Variants in TAF1 observed in about 807,000 individuals in gnomAD.
The protein encoded by TAF1 is TATA-box binding protein associated factor 1.
A neutral mutation model predicts 138.5 loss-of-function variants in TAF1; 2 were observed. The observed-to-expected ratio is 0.01, with a 90% CI of 0.01 to 0.05. TAF1 has a LOEUF of 0.05. Among genes scored for constraint, TAF1 ranks in the 10% least tolerant of loss-of-function variants. TAF1 has a pLI of 1.00. For synonymous variants in TAF1, 437 were observed against 503.2 expected (o/e 0.87, Z 1.76); for missense variants, 709 against 1,478.0 (o/e 0.48, Z 8.53).
In TAF1 at chrX:71,483,746, C is replaced by G. The variant is rs2039116576; in HGVS notation, c.1366+22943C>G. Reference sequence around the variant, plus strand: ...CACATAATATATTGTGAACATCTCTCTCTCTCTCTCTCTCTCTCTCTCTCT... The same window carrying G: ...CACATAATATATTGTGAACATCTCTGTCTCTCTCTCTCTCTCTCTCTCTCT... On this transcript the variant is annotated intron_variant and NMD_transcript_variant, in intron 13 of 14. Coordinates refer to the TAF1 transcript ENST00000373775. Among the ~76,000 whole-genome samples, 3 of 56,000 alleles carry G rather than the reference C, an allele frequency of 5.4e-5. No homozygotes were observed. The South Asian group carries it at 3.5e-3, about 66-fold the overall frequency. The allele number at this position is 56,000 out of a possible 115,157, so 48.6% of individuals were successfully genotyped here.
chrX:71,489,268 A>T (rs2147530758), intron 13 of TAF1, among the ~76,000 whole-genome samples: 1 of 110,846 alleles, frequency 9.0e-6, no homozygotes, highest in South Asian at 3.8e-4. Context: ...TCTTTGTGAT[A>T]CTGGGGTTTA....
At chrX:71,494,218 A>G (rs972258868) in intron 13 of TAF1, among the ~76,000 whole-genome samples, 1 of 110,622 alleles carries the variant, frequency 9.0e-6, no homozygotes, top group African/African-American at 3.3e-5. Flanking sequence ...AGGTTAGGAG[A>G]TCGAGACCAG....
At chrX:71,420,758 T>TG (rs1056916890) in intron 28 of TAF1, among the ~76,000 whole-genome samples, 4 of 111,931 alleles carry the variant, frequency 3.6e-5, no homozygotes, top group Non-Finnish European at 7.5e-5. Flanking sequence ...CCCGTGGGGG[T>TG]GGGGGGCGCA....
Position 71,408,081 on chromosome X carries a change from C to T in TAF1, c.4314C>T (p.Arg1438=). Residue 1438 remains arginine, a synonymous_variant, in exon 28 of 38, where the codon CGC becomes CGT. Coordinates refer to ENST00000423759, the MANE Select transcript of TAF1 (RefSeq NM_004606.5). ...CACTCCGCGAAAACGTGCGTAAACGCCTCTACCCATCTCGGGAAGAGTTCA... is the reference window on the plus strand; with the variant it reads ...CACTCCGCGAAAACGTGCGTAAACGTCTCTACCCATCTCGGGAAGAGTTCA... The part of the protein sequence containing the change: ...LQTLRENVRK[R]LYPSREEFRE... 1 of 1,211,767 alleles carries T rather than the reference C, an allele frequency of 8.3e-7. No individual in the cohort carries two copies. The highest frequency in any genetic ancestry group is 1.1e-6 in the Non-Finnish European group (1 of 895,589).
chrX:71,446,059 C>T (rs2037682765), intron 32 of TAF1, among the ~76,000 whole-genome samples: 1 of 109,367 alleles, frequency 9.1e-6, no homozygotes, highest in African/African-American at 3.3e-5. Flanking sequence ...TACAGGTGTG[C>T]GTCACCATGC....
At chrX:71,366,573 G>C in intron 1 of TAF1, 79 bp downstream of exon 1, 1 of 997,911 alleles carries the variant, frequency 1.0e-6, no homozygotes, top group Non-Finnish European at 1.3e-6. Context: ...AAAGGAGAGG[G>C]TGCTCAGGCA....
At position 71,377,001 on chromosome X, in the gene TAF1, C is replaced by G; in HGVS notation, c.524C>G (p.Ser175Cys). ...IILPSIIAPSSLASEKVDFSS... is the reference protein window; with the variant it reads ...IILPSIIAPSCLASEKVDFSS... ...TTGCCCTCCATCATTGCCCCTTCCT[C>G]TTTGGCCTCAGAGAAAGTGGACTTC... Residue 175 changes from serine (S) to cysteine (C), a missense_variant, in exon 5 of 38, where the codon TCT becomes TGT. Transcript: ENST00000423759. The G allele has an allele frequency of 1.7e-6, 2 of 1,211,888 alleles. No individual in the cohort carries two copies. Among genetic ancestry groups the G allele is most frequent in the Non-Finnish European group, 2.2e-6 (2 of 895,588 alleles).
chrX:71,502,537 C>A (rs1278806220), intron 13 of TAF1, among the ~76,000 whole-genome samples: 1 of 112,867 alleles, frequency 8.9e-6, no homozygotes, highest in Non-Finnish European at 1.9e-5. Context: ...CTAGTTGTAC[C>A]ACCGCTTATT....
intron 14 of TAF1, among the ~76,000 whole-genome samples, chrX:71,528,988 G>A (rs764312721): frequency 1.8e-5 from 2 of 111,977 alleles, no homozygotes; most frequent in African/African-American, 3.2e-5. Context: ...TAGACACAGA[G>A]CGCTAATTGG....
intron 8 of TAF1, among the ~76,000 whole-genome samples, chrX:71,379,596 CTTTTTTTTTT>C (rs10714417): frequency 3.5e-5 from 2 of 57,591 alleles, no homozygotes; most frequent in Non-Finnish European, 6.8e-5. Flanking sequence ...TGATAAAGAT[CTTTTTTTTTT>C]TTTTTTTTTT....
chrX:71,377,703 A>G lies in TAF1; in HGVS notation c.815A>G (p.Gln272Arg). 3 of 1,211,971 alleles carry G rather than the reference A, an allele frequency of 2.5e-6. No homozygotes were observed. Among genetic ancestry groups the G allele is most frequent in the Non-Finnish European group, 3.3e-6 (3 of 895,587 alleles). The change falls in exon 6 of 38, where the codon CAG becomes CGG. Residue 272 changes from glutamine to arginine, a missense_variant. Gln to Arg is a conservative substitution (Grantham distance 43). Coordinates refer to ENST00000423759, the MANE Select transcript of TAF1 (RefSeq NM_004606.5). Reference protein sequence around the residue: ...KRKKKHRELIQEEQIQEVECS... With the variant: ...KRKKKHRELIREEQIQEVECS... The stretch of plus-strand genomic sequence containing the variant: ...AAGAAGAAGCACCGTGAGCTGATAC[A>G]GGAAGAGCAGATCCAGGAGGTGGAG...
intron 32 of TAF1, among the ~76,000 whole-genome samples, chrX:71,452,574 A>G (rs2038060037): frequency 9.3e-6 from 1 of 107,016 alleles, no homozygotes; most frequent in African/African-American, 3.4e-5. Flanking sequence ...CTCACTTTCC[A>G]GTCTGGGCAG....
chrX:71,426,651 G>A (rs902699553), intron 32 of TAF1, among the ~76,000 whole-genome samples: 2 of 109,399 alleles, frequency 1.8e-5, no homozygotes, highest in Non-Finnish European at 3.8e-5. Flanking sequence ...GGAGGTGGAG[G>A]TTGCAGGGAG....
At chrX:71,422,126 G>C (rs1445073248) in intron 29 of TAF1, among the ~76,000 whole-genome samples, 1 of 111,913 alleles carries the variant, frequency 8.9e-6, no homozygotes, top group Non-Finnish European at 1.9e-5. Context: ...ATAATGTTTA[G>C]TGTTTCCAGC....
intron 18 of TAF1, among the ~76,000 whole-genome samples, chrX:71,391,325 C>T (rs2034551843): frequency 9.0e-6 from 1 of 111,135 alleles, no homozygotes; most frequent in African/African-American, 3.3e-5. Flanking sequence ...AGTAAAGAAT[C>T]GTTGTACTAC....
At chrX:71,462,372 T>G (rs1182025567) in intron 37 of TAF1, among the ~76,000 whole-genome samples, 1 of 111,123 alleles carries the variant, frequency 9.0e-6, no homozygotes, top group Non-Finnish European at 1.9e-5. Context: ...GGTCAAGAGA[T>G]CTAGACCATC....
At chrX:71,524,761 T>A (rs1432889575) in intron 13 of TAF1, among the ~76,000 whole-genome samples, 2 of 108,704 alleles carry the variant, frequency 1.8e-5, no homozygotes, top group Admixed American at 9.8e-5. Flanking sequence ...GCCAACATGG[T>A]GAAACCCCAT....
At chrX:71,432,607 A>C (rs1268336920) in intron 32 of TAF1, among the ~76,000 whole-genome samples, 1 of 109,184 alleles carries the variant, frequency 9.2e-6, no homozygotes, top group Non-Finnish European at 1.9e-5. Context: ...TTGATTCAGG[A>C]TTGAGATTTT....
intron 32 of TAF1, among the ~76,000 whole-genome samples, chrX:71,437,204 CTT>C (rs778001459): frequency 5.4e-5 from 6 of 111,310 alleles, no homozygotes; most frequent in African/African-American, 1.6e-4. Flanking sequence ...TGCTTGTACT[CTT>C]TTTTTCCTAA....
Sources: allele counts gnomAD v4.1 joint callset (sites outside exome capture counted in the v4.1 genomes callset), GRCh38; gene constraint gnomAD v4.1.1; transcripts MANE v1.5; gene names NCBI Gene and HGNC (gene_info 2026-07-23, HGNC 2026-07-21).